The following NXPH1 variants were observed in gnomAD, a reference collection of about 807,000 sequenced individuals.
The protein encoded by NXPH1 is neurexophilin-1.
NXPH1 carries 5 observed loss-of-function variants against 23.7 expected under a neutral mutation model. The ratio of observed to expected loss-of-function variants is 0.21; its 90% CI spans 0.11 to 0.44. The LOEUF (loss-of-function observed/expected upper bound fraction) is 0.44. Among genes scored for constraint, NXPH1 ranks in the 20% least tolerant of loss-of-function variants. The pLI, the probability that NXPH1 is intolerant of heterozygous loss-of-function variation, is 0.99. For synonymous variants in NXPH1, 144 were observed against 122.2 expected, an observed-to-expected ratio of 1.18 and a Z score of -1.18; for missense variants, 324 against 321.6, an observed-to-expected ratio of 1.01 and a Z score of -0.06.
rs781301643 is a variant in NXPH1 at position 8,435,725 on chromosome 7, G to A, written c.12G>A (p.Ala4=). The A allele has an allele frequency of 2.2e-5, 36 of 1,613,996 alleles. No individual in the cohort carries two copies. Among genetic ancestry groups the A allele is most frequent in the Non-Finnish European group, 3.1e-5 (36 of 1,179,892 alleles). Residue 4 remains alanine (A), a synonymous_variant, in exon 2 of 3, where the codon GCG becomes GCA. Coordinates refer to ENST00000405863, the MANE Select transcript of NXPH1 (RefSeq NM_152745.3). The surrounding 1 kb of genome is among the most constrained non-coding windows in gnomAD (Gnocchi z 5.9). MQA[A]CWYVLFLLQP... ...TGAGACGCGGGAGAATGCAGGCTGC[G>A]TGCTGGTACGTGCTTTTCCTCCTGC... is the stretch of plus-strand genomic sequence containing the variant.
intron 2 of NXPH1, among the ~76,000 whole-genome samples, chr7:8,538,036 TG>T (rs1420774388): frequency 6.6e-6 from 1 of 151,904 alleles, no homozygotes; most frequent in Non-Finnish European, 1.5e-5. Flanking sequence ...CAATGATGAT[TG>T]CTTCTCATCC....
intron 2 of NXPH1, among the ~76,000 whole-genome samples, chr7:8,543,842 T>C (rs1218366932): frequency 6.6e-6 from 1 of 151,660 alleles, no homozygotes; most frequent in Non-Finnish European, 1.5e-5. Context: ...ATACCAGGTG[T>C]TTTAATTTTT....
chr7:8,618,379 T>C (rs1042642047), intron 2 of NXPH1, among the ~76,000 whole-genome samples: 2 of 152,178 alleles, frequency 1.3e-5, no homozygotes, highest in African/African-American at 4.8e-5. Context: ...AAAATAGCCA[T>C]TGAATGCATC....
intron 2 of NXPH1, among the ~76,000 whole-genome samples, chr7:8,686,751 G>A (rs1821151341): frequency 1.3e-5 from 2 of 152,044 alleles, no homozygotes; most frequent in Admixed American, 6.6e-5. Flanking sequence ...AATGCCATGT[G>A]TGGAATGTCA....
intron 2 of NXPH1, among the ~76,000 whole-genome samples, chr7:8,590,447 A>G (rs1819068528): frequency 6.6e-6 from 1 of 152,022 alleles, no homozygotes; most frequent in African/African-American, 2.4e-5. Context: ...AGGACATGCT[A>G]ACTTTGTCCA....
intron 2 of NXPH1, among the ~76,000 whole-genome samples, chr7:8,664,396 G>A (rs1050039055): frequency 3.3e-5 from 5 of 151,996 alleles, no homozygotes; most frequent in African/African-American, 9.7e-5. Flanking sequence ...TCTTACAGTT[G>A]GTAATCTTCT....
rs1034023902 is a variant in NXPH1 at position 8,743,139 on chromosome 7, G to C, written c.55-7869G>C. ...TGTAATCATAGAGCAATGTTTGTTT[G>C]TTGGTTACTTATTCACCAGTGAGCA... On this transcript the variant is annotated intron_variant, in intron 2 of 2. Transcript: ENST00000405863. Among the ~76,000 whole-genome samples the C allele has an allele frequency of 2.0e-5, 3 of 151,894 alleles. No individual in the cohort carries two copies. In the East Asian group the frequency reaches 5.8e-4, roughly 29 times the overall value.
At position 8,647,070 on chromosome 7, in the gene NXPH1, G is replaced by A. The variant is rs531359803; in HGVS notation, c.55-103938G>A. Among the ~76,000 whole-genome samples, 27 of 152,138 alleles carry A rather than the reference G, an allele frequency of 1.8e-4. No individual in the cohort carries two copies. The South Asian group carries it at 5.0e-3, about 28-fold the overall frequency. ...CCACCCCTGGGACAGGCAGACAATC[G>A]GACAGACACGGATACAGACACACAC... On this transcript the variant is annotated intron_variant, in intron 2 of 2. Transcript: ENST00000405863.
intron 2 of NXPH1, among the ~76,000 whole-genome samples, chr7:8,521,770 G>C (rs1817775624): frequency 1.3e-5 from 2 of 152,164 alleles, no homozygotes; most frequent in Non-Finnish European, 2.9e-5. Flanking sequence ...CAGTGTAACT[G>C]TCACAAGCAG....
At chr7:8,458,595 C>T (rs961214449) in intron 2 of NXPH1, among the ~76,000 whole-genome samples, 28 of 152,262 alleles carry the variant, frequency 1.8e-4, no homozygotes, top group African/African-American at 6.0e-4. Context: ...TCCCAGACTT[C>T]GACTTTATGT....
intron 2 of NXPH1, among the ~76,000 whole-genome samples, chr7:8,465,578 GA>G (rs1283371715): frequency 1.3e-5 from 2 of 152,194 alleles, no homozygotes; most frequent in African/African-American, 4.8e-5. Flanking sequence ...AAGATACCAG[GA>G]AAGTATTGCA....
rs372845075 is a variant in NXPH1 at position 8,687,881 on chromosome 7, T to C, written c.55-63127T>C. On this transcript the variant is annotated intron_variant, in intron 2 of 2. Transcript: ENST00000405863. Reference sequence around the variant, plus strand: ...GTCAGACTTAACAAAAATGTTATTTTATTTTTAATATATTTGAAAATCAGG... The same window carrying C: ...GTCAGACTTAACAAAAATGTTATTTCATTTTTAATATATTTGAAAATCAGG... 7.9e-5 allele frequency among the ~76,000 whole-genome samples: 12 copies of C among 152,302 alleles called. No individual in the cohort carries two copies. In the South Asian group the frequency reaches 1.2e-3, roughly 16 times the overall value.
intron 2 of NXPH1, among the ~76,000 whole-genome samples, chr7:8,663,664 T>A (rs962942898): frequency 6.6e-6 from 1 of 152,092 alleles, no homozygotes; most frequent in Non-Finnish European, 1.5e-5. Context: ...GTCTGATTTA[T>A]GAAAATTCTT....
intron 2 of NXPH1, among the ~76,000 whole-genome samples, chr7:8,540,938 A>G (rs746040222): frequency 2.3e-4 from 35 of 151,840 alleles, no homozygotes; most frequent in Non-Finnish European, 4.6e-4. Flanking sequence ...AACTATTTCT[A>G]AGTAACAACT....
intron 2 of NXPH1, among the ~76,000 whole-genome samples, chr7:8,613,037 T>C (rs760896342): frequency 3.3e-5 from 5 of 152,010 alleles, no homozygotes; most frequent in Admixed American, 6.6e-5. Context: ...TGCCAAACTA[T>C]AGGGATATGT....
intron 2 of NXPH1, among the ~76,000 whole-genome samples, chr7:8,709,601 G>A (rs144430374): frequency 3.1e-4 from 47 of 152,048 alleles, no homozygotes; most frequent in African/African-American, 1.1e-3. Context: ...CCAGAAACAT[G>A]GACTAATATG....
intron 2 of NXPH1, among the ~76,000 whole-genome samples, chr7:8,447,441 A>AT (rs1816425074): frequency 6.6e-6 from 1 of 152,240 alleles, no homozygotes; most frequent in South Asian, 2.1e-4. Flanking sequence ...TTTGCAGAAC[A>AT]TGGCAGAGTT....
At chr7:8,436,377 C>T (rs150870837) in intron 2 of NXPH1, among the ~76,000 whole-genome samples, 1 of 152,322 alleles carries the variant, frequency 6.6e-6, no homozygotes, top group Non-Finnish European at 1.5e-5. Flanking sequence ...CTCCCCTTTT[C>T]ATCAAATAAC....
At chr7:8,473,520 T>A (rs1312634291) in intron 2 of NXPH1, among the ~76,000 whole-genome samples, 1 of 152,142 alleles carries the variant, frequency 6.6e-6, no homozygotes. Flanking sequence ...AAATAATTGC[T>A]CTCTTATTGG....
Sources: gnomAD v4.1 joint callset for allele counts (sites outside exome capture counted in the v4.1 genomes callset) on GRCh38, gnomAD v4.1.1 for gene constraint, Gnocchi (gnomAD v3.1) non-coding constraint, MANE v1.5 for transcripts, NCBI Gene and HGNC (gene_info 2026-07-23, HGNC 2026-07-21) for gene names.